The following NRG3 variants were observed in gnomAD, a reference collection of about 807,000 sequenced individuals.
NRG3 encodes the protein pro-neuregulin-3, membrane-bound isoform.
In NRG3, 31 loss-of-function variants were observed where a neutral mutation model predicts 66.9. The ratio of observed to expected loss-of-function variants is 0.46; its 90% confidence interval spans 0.35 to 0.63. The LOEUF (loss-of-function observed/expected upper bound fraction) is 0.63, where lower values mean the gene tolerates loss of function less well. NRG3 is among the 20% of genes least tolerant of loss of function. The pLI is 0.00. For synonymous variants in NRG3, 393 were observed against 359.4 expected (o/e 1.09, Z -1.06); for missense variants, 910 against 878.9 (o/e 1.04, Z -0.45).
At position 82,682,758 on chromosome 10, in the gene NRG3, G is replaced by A. The variant is rs539642447; in HGVS notation, c.954-55819G>A. 2.0e-5 allele frequency among the ~76,000 whole-genome samples: 3 copies of A among 152,002 alleles called. No homozygotes were observed. The East Asian group carries it at 5.8e-4, about 29-fold the overall frequency. On this transcript the variant is annotated intron_variant, in intron 2 of 8. Coordinates refer to ENST00000372141, the MANE Select transcript of NRG3 (RefSeq NM_001010848.4). ...AGCTTTTCTTGTGTATTGGTGTACT[G>A]TTTAAATTTCTTACAAAACTCACTC...
chr10:82,521,699 C>T (rs1846206865), intron 2 of NRG3, among the ~76,000 whole-genome samples: 1 of 152,120 alleles, frequency 6.6e-6, no homozygotes, highest in South Asian at 2.1e-4. Context: ...CTCCTCCTTT[C>T]GTGAAAGATT....
intron 1 of NRG3, chr10:82,230,376 A>T (rs1589399617): frequency 6.6e-6 from 1 of 152,304 alleles, no homozygotes; most frequent in East Asian, 1.9e-4. Context: ...CTGAAAGGAG[A>T]TCAAATCCTA....
intron 1 of NRG3, among the ~76,000 whole-genome samples, chr10:81,991,916 T>C (rs903449821): frequency 6.6e-6 from 1 of 152,126 alleles, no homozygotes; most frequent in Admixed American, 6.6e-5. Context: ...AAACAAATAT[T>C]ATATCATAGT....
intron 1 of NRG3, among the ~76,000 whole-genome samples, chr10:82,154,186 T>A (rs7913720): frequency 3.3e-5 from 5 of 152,076 alleles, no homozygotes; most frequent in African/African-American, 1.2e-4. Flanking sequence ...CATTTTCTTC[T>A]AGTCATTTTA....
At chr10:81,885,758 G>T (rs558674388) in intron 1 of NRG3, among the ~76,000 whole-genome samples, 3 of 152,250 alleles carry the variant, frequency 2.0e-5, no homozygotes, top group Non-Finnish European at 4.4e-5. Flanking sequence ...CTGTAAGACT[G>T]TAAATGAATC....
chr10:82,785,567 A>G (rs1208917592), intron 3 of NRG3, among the ~76,000 whole-genome samples: 2 of 152,060 alleles, frequency 1.3e-5, no homozygotes, highest in African/African-American at 4.8e-5. Flanking sequence ...CATTCTTTTT[A>G]TAAAGTTGCA....
At chr10:82,365,334 A>C (rs555896713) in intron 2 of NRG3, among the ~76,000 whole-genome samples, 1 of 152,332 alleles carries the variant, frequency 6.6e-6, no homozygotes, top group South Asian at 2.1e-4. Flanking sequence ...TTCCCTGCAG[A>C]GTGGTGTTAA....
At chr10:82,872,189 T>G (rs1300011732) in intron 4 of NRG3, among the ~76,000 whole-genome samples, 1 of 152,162 alleles carries the variant, frequency 6.6e-6, no homozygotes, top group Non-Finnish European at 1.5e-5. Context: ...TTTAGTCTCT[T>G]GATGTGATGG....
intron 2 of NRG3, among the ~76,000 whole-genome samples, chr10:82,549,151 C>T (rs1029307878): frequency 2.6e-5 from 4 of 152,118 alleles, no homozygotes; most frequent in Non-Finnish European, 5.9e-5. Flanking sequence ...AATAACATCT[C>T]TTTGCTCATT....
chr10:82,427,605 T>C (rs988939676), intron 2 of NRG3, among the ~76,000 whole-genome samples: 7 of 152,102 alleles, frequency 4.6e-5, no homozygotes, highest in African/African-American at 1.7e-4. Context: ...TTGAGTTGTA[T>C]TTTGTATGTC....
At chr10:82,274,301 G>A (rs933838940) in intron 1 of NRG3, among the ~76,000 whole-genome samples, 1 of 152,044 alleles carries the variant, frequency 6.6e-6, no homozygotes, top group African/African-American at 2.4e-5. Context: ...CATGCTCATA[G>A]AAACTTCACT....
intron 1 of NRG3, among the ~76,000 whole-genome samples, chr10:81,895,388 T>G (rs1843422645): frequency 6.6e-6 from 1 of 152,168 alleles, no homozygotes; most frequent in African/African-American, 2.4e-5. Context: ...ATACTCAGAT[T>G]ATTGATCCCA....
rs2079299729 is a variant in NRG3 at position 82,284,455 on chromosome 10, T to A, written c.824-74284T>A. On this transcript the variant is annotated intron_variant, in intron 1 of 8. Coordinates refer to ENST00000372141, the MANE Select transcript of NRG3 (RefSeq NM_001010848.4). Reference sequence around the variant, plus strand: ...CATCCCCATGGGTTAAACTGGACTATCTGTCTATTTTTCCTGCAGGGTGAG... The same window carrying A: ...CATCCCCATGGGTTAAACTGGACTAACTGTCTATTTTTCCTGCAGGGTGAG... Among the ~76,000 whole-genome samples the A allele has an allele frequency of 2.6e-5, 4 of 151,726 alleles. No individual in the cohort carries two copies. The South Asian group carries it at 8.3e-4, about 31-fold the overall frequency.
At chr10:82,942,552 G>A (rs1202309341) in intron 4 of NRG3, among the ~76,000 whole-genome samples, 1 of 152,154 alleles carries the variant, frequency 6.6e-6, no homozygotes, top group Non-Finnish European at 1.5e-5. Context: ...AAGTGAGGGA[G>A]AGTATGAAAC....
At chr10:82,714,623 A>C (rs2056867524) in intron 2 of NRG3, among the ~76,000 whole-genome samples, 1 of 152,246 alleles carries the variant, frequency 6.6e-6, no homozygotes, top group African/African-American at 2.4e-5. Flanking sequence ...TTAATTTAAA[A>C]ATGAAGTTTT....
chr10:82,416,758 T>G (rs553192244), intron 2 of NRG3, among the ~76,000 whole-genome samples: 18 of 152,246 alleles, frequency 1.2e-4, no homozygotes, highest in Admixed American at 1.2e-3. Context: ...CGCCTCTGCC[T>G]TTGCGTAGAG....
intron 1 of NRG3, among the ~76,000 whole-genome samples, chr10:82,056,902 A>T (rs1044892775): frequency 8.6e-5 from 13 of 151,948 alleles, no homozygotes; most frequent in Admixed American, 2.0e-4. Flanking sequence ...GTTTTTTAAA[A>T]CTTCTATTTA....
chr10:82,136,017 G>A (rs1390478031), intron 1 of NRG3, among the ~76,000 whole-genome samples: 1 of 152,010 alleles, frequency 6.6e-6, no homozygotes, highest in Non-Finnish European at 1.5e-5. Context: ...GGAATAGAGT[G>A]CTGTGATCTA....
intron 1 of NRG3, among the ~76,000 whole-genome samples, chr10:81,970,914 T>C (rs1254243855): frequency 2.0e-5 from 3 of 152,176 alleles, no homozygotes; most frequent in African/African-American, 7.2e-5. Context: ...TCAAGGCGGC[T>C]GGATTGCCTG....
Sources: gnomAD v4.1 joint callset for allele counts (sites outside exome capture counted in the v4.1 genomes callset) on GRCh38, gnomAD v4.1.1 for gene constraint, MANE v1.5 for transcripts, NCBI Gene and HGNC (gene_info 2026-07-23, HGNC 2026-07-21) for gene names.